The following PDZRN4 variants were observed in gnomAD, a reference collection of about 807,000 sequenced individuals.
PDZRN4 encodes PDZ domain containing ring finger 4.
In PDZRN4, 70 loss-of-function variants were observed where a neutral mutation model predicts 99.0. The observed-to-expected ratio is 0.71, with a 90% CI of 0.58 to 0.86. The LOEUF (loss-of-function observed/expected upper bound fraction) is 0.86. Ranked by LOEUF, PDZRN4 falls within the 40% of genes least tolerant of loss-of-function variation. The pLI, the probability that PDZRN4 is intolerant of heterozygous loss-of-function variation, is 0.00. For synonymous variants in PDZRN4, 551 were observed against 501.6 expected, an observed-to-expected ratio of 1.10 and a Z score of -1.32; for missense variants, 1,474 against 1,331.2, an observed-to-expected ratio of 1.11 and a Z score of -1.67.
chr12:41,478,655 A>G (rs929845099), intron 3 of PDZRN4, among the ~76,000 whole-genome samples: 1 of 152,216 alleles, frequency 6.6e-6, no homozygotes, highest in African/African-American at 2.4e-5. Flanking sequence ...GTCCTTTTAT[A>G]TGGAGGAACA....
At chr12:41,491,288 C>T (rs1303863532) in intron 3 of PDZRN4, among the ~76,000 whole-genome samples, 3 of 152,058 alleles carry the variant, frequency 2.0e-5, no homozygotes, top group East Asian at 3.9e-4. Context: ...TTTGGGAGGC[C>T]GAGGAGGGCA....
At chr12:41,275,908 T>A (rs1475985150) in intron 3 of PDZRN4, among the ~76,000 whole-genome samples, 2 of 151,990 alleles carry the variant, frequency 1.3e-5, no homozygotes, top group African/African-American at 4.8e-5. Flanking sequence ...TGAAGGTGAT[T>A]TTGAGGGATG....
chr12:41,535,139 C>A lies in PDZRN4; in HGVS notation c.1204-17517C>A, dbSNP rs561724878. Among the ~76,000 whole-genome samples, 16 of 152,044 alleles carry A rather than the reference C, an allele frequency of 1.1e-4. No homozygotes were observed. In the South Asian group the frequency reaches 3.1e-3, roughly 30 times the overall value. On this transcript the variant is annotated intron_variant, in intron 5 of 9. Transcript: ENST00000402685. ...AACTCTTTACTTATATTTGCAATCC[C>A]TTCTCATATTTCTTCTGTTATGTTA... is the stretch of plus-strand genomic sequence containing the variant.
intron 3 of PDZRN4, among the ~76,000 whole-genome samples, chr12:41,351,157 C>T (rs1951887073): frequency 1.3e-5 from 2 of 152,028 alleles, no homozygotes; most frequent in Non-Finnish European, 2.9e-5. Flanking sequence ...AGCATGAAGA[C>T]ATAGATTAGA....
rs544747888 is a variant in PDZRN4, at chr12:41,260,697, A to G, written c.843+66509A>G. On this transcript the variant is annotated intron_variant, in intron 3 of 9. Transcript: ENST00000402685. ...TAACTGATGGTCTGTTGTGCCCACT[A>G]TGAGTCTAGATAAGGTGATGCTATT... 3.3e-5 allele frequency among the ~76,000 whole-genome samples: 5 copies of G among 152,032 alleles called. No homozygotes were observed. In the South Asian group the frequency reaches 1.0e-3, roughly 32 times the overall value.
intron 3 of PDZRN4, among the ~76,000 whole-genome samples, chr12:41,358,419 C>G (rs919327424): frequency 6.6e-6 from 1 of 151,908 alleles, no homozygotes; most frequent in Non-Finnish European, 1.5e-5. Context: ...ATTATTCTGC[C>G]TTTTCCTGAA....
chr12:41,386,152 A>G (rs1379142839), intron 3 of PDZRN4, among the ~76,000 whole-genome samples: 1 of 152,196 alleles, frequency 6.6e-6, no homozygotes, highest in Non-Finnish European at 1.5e-5. Flanking sequence ...CTAGTTATTC[A>G]GGAAATATAC....
At chr12:41,454,385 T>C (rs1952801404) in intron 3 of PDZRN4, among the ~76,000 whole-genome samples, 1 of 152,250 alleles carries the variant, frequency 6.6e-6, no homozygotes, top group African/African-American at 2.4e-5. Context: ...TGTGGACTTG[T>C]TTCTTAGGAG....
At position 41,333,439 on chromosome 12, in the gene PDZRN4, T is replaced by C. The variant is rs552629398; in HGVS notation, c.843+139251T>C. 3.3e-5 allele frequency among the ~76,000 whole-genome samples: 5 copies of C among 152,246 alleles called. No individual in the cohort carries two copies. In the South Asian group the frequency reaches 1.0e-3, roughly 32 times the overall value. On this transcript the variant is annotated intron_variant, in intron 3 of 9. Transcript: ENST00000402685. ...TGGAACAGACTGCTTGCTCCATGAA[T>C]GGGGAGAGCTTGGCTCCTCAGTGGT... is the stretch of plus-strand genomic sequence containing the variant.
At chr12:41,313,435 C>T (rs965214648) in intron 3 of PDZRN4, among the ~76,000 whole-genome samples, 6 of 152,170 alleles carry the variant, frequency 3.9e-5, no homozygotes, top group Non-Finnish European at 7.3e-5. Flanking sequence ...CACTGGCAAA[C>T]CCAGCTTATC....
At chr12:41,322,937 G>A (rs186221601) in intron 3 of PDZRN4, among the ~76,000 whole-genome samples, 4 of 150,126 alleles carry the variant, frequency 2.7e-5, no homozygotes, top group Admixed American at 2.0e-4. Flanking sequence ...AAATTAGATT[G>A]TTTTAAAATC....
intron 3 of PDZRN4, among the ~76,000 whole-genome samples, chr12:41,473,732 C>T (rs1181742198): frequency 6.6e-6 from 1 of 152,232 alleles, no homozygotes; most frequent in Non-Finnish European, 1.5e-5. Flanking sequence ...CTATCTCCAA[C>T]ATCTGATCTT....
At chr12:41,557,357 G>A (rs970416607) in intron 7 of PDZRN4, among the ~76,000 whole-genome samples, 1 of 152,076 alleles carries the variant, frequency 6.6e-6, no homozygotes, top group Non-Finnish European at 1.5e-5. Context: ...CTGTTTCAGA[G>A]CTACTATTTC....
At chr12:41,270,261 TGTGTGTGTGTGTGTCTGTGTGTGTG>T (rs1163138296) in intron 3 of PDZRN4, among the ~76,000 whole-genome samples, 10 of 100,608 alleles carry the variant, frequency 9.9e-5, no homozygotes, top group Middle Eastern at 4.7e-3. Flanking sequence ...TCGTAACTAT[TGTGTGTGTGTGTGTCTGTGTGTGTG>T]GTGTGTGTGT....
At chr12:41,242,628 G>GGC (rs1951108083) in intron 3 of PDZRN4, among the ~76,000 whole-genome samples, 1 of 148,566 alleles carries the variant, frequency 6.7e-6, no homozygotes. Context: ...TGTTCTTGTG[G>GGC]ACACACACAC....
At chr12:41,556,362 C>T (rs931608746) in intron 7 of PDZRN4, among the ~76,000 whole-genome samples, 3 of 152,178 alleles carry the variant, frequency 2.0e-5, no homozygotes, top group African/African-American at 7.2e-5. Context: ...GGAGAGTGTA[C>T]TTACACAGAC....
intron 3 of PDZRN4, among the ~76,000 whole-genome samples, chr12:41,217,340 T>C (rs1950927963): frequency 6.6e-6 from 1 of 152,092 alleles, no homozygotes; most frequent in Non-Finnish European, 1.5e-5. Flanking sequence ...ATTTTAATGC[T>C]CTGCTGTCAC....
At chr12:41,383,238 T>G (rs1399673597) in intron 3 of PDZRN4, among the ~76,000 whole-genome samples, 2 of 152,142 alleles carry the variant, frequency 1.3e-5, no homozygotes, top group African/African-American at 4.8e-5. Flanking sequence ...TTCATCAGTT[T>G]TTGCCATGTA....
chr12:41,241,684 T>A (rs1316515921), intron 3 of PDZRN4, among the ~76,000 whole-genome samples: 1 of 152,226 alleles, frequency 6.6e-6, no homozygotes, highest in Non-Finnish European at 1.5e-5. Context: ...CACAGACATT[T>A]TTTTTTCCTT....
Sources: gnomAD v4.1 joint callset for allele counts (sites outside exome capture counted in the v4.1 genomes callset) on GRCh38, gnomAD v4.1.1 for gene constraint, MANE v1.5 for transcripts, NCBI Gene and HGNC (gene_info 2026-07-23, HGNC 2026-07-21) for gene names.